Variants in KIF26B observed in about 807,000 individuals in gnomAD.
KIF26B encodes kinesin family member 26B.
A neutral mutation model predicts 151.2 loss-of-function variants in KIF26B; 63 were observed. That is an observed-to-expected ratio of 0.42 (90% CI 0.34 to 0.51). KIF26B has a LOEUF of 0.51. Ranked by LOEUF, KIF26B falls within the 20% of genes least tolerant of loss-of-function variation. The pLI is 0.07. For synonymous variants in KIF26B, 1,357 were observed against 1,262.1 expected, an observed-to-expected ratio of 1.08 and a Z score of -1.59; for missense variants, 2,813 against 2,913.6, an observed-to-expected ratio of 0.97 and a Z score of 0.79.
intron 2 of KIF26B, among the ~76,000 whole-genome samples, chr1:245,345,685 A>C (rs1186124997): frequency 6.6e-6 from 1 of 151,762 alleles, no homozygotes; most frequent in Non-Finnish European, 1.5e-5. Context: ...CGTGATAGTG[A>C]GTGAGTTCTC....
chr1:245,301,230 A>C (rs1397079286), intron 2 of KIF26B, among the ~76,000 whole-genome samples: 3 of 152,210 alleles, frequency 2.0e-5, no homozygotes, highest in Non-Finnish European at 4.4e-5. Flanking sequence ...TTCCTGCCGC[A>C]TGCAGGAGTG....
At chr1:245,401,916 C>T (rs1013002535) in intron 3 of KIF26B, among the ~76,000 whole-genome samples, 4 of 151,362 alleles carry the variant, frequency 2.6e-5, no homozygotes, top group African/African-American at 9.7e-5. Flanking sequence ...AAAACACCAC[C>T]AAAAAAAACC....
chr1:245,229,959 C>G (rs534130421), intron 2 of KIF26B, among the ~76,000 whole-genome samples: 1 of 151,714 alleles, frequency 6.6e-6, no homozygotes, highest in Admixed American at 6.6e-5. Flanking sequence ...ATGGTAAAAC[C>G]CCATCTCTAC....
chr1:245,685,126 A>ATGCT (rs538326386), intron 11 of KIF26B, among the ~76,000 whole-genome samples: 148 of 152,374 alleles, frequency 9.7e-4, no homozygotes, highest in African/African-American at 3.3e-3. Context: ...GTGAGCCAGC[A>ATGCT]GCCCTTAGCT....
At chr1:245,696,500 T>G (rs1197574997) in intron 12 of KIF26B, among the ~76,000 whole-genome samples, 3 of 152,030 alleles carry the variant, frequency 2.0e-5, no homozygotes, top group African/African-American at 7.2e-5. Context: ...ATATGTGAGA[T>G]CAATGTTTGT....
At chr1:245,626,888 A>C (rs1186209957) in intron 9 of KIF26B, among the ~76,000 whole-genome samples, 1 of 152,150 alleles carries the variant, frequency 6.6e-6, no homozygotes, top group African/African-American at 2.4e-5. Context: ...GCCTTTAATA[A>C]ATTTTGAGTG....
chr1:245,425,507 A>G (rs1658621850), intron 4 of KIF26B, among the ~76,000 whole-genome samples: 1 of 152,128 alleles, frequency 6.6e-6, no homozygotes, highest in Non-Finnish European at 1.5e-5. Flanking sequence ...CCCAGGTTCA[A>G]GCGATTTTCC....
At chr1:245,582,798 A>G (rs1402574802) in intron 5 of KIF26B, among the ~76,000 whole-genome samples, 1 of 152,194 alleles carries the variant, frequency 6.6e-6, no homozygotes, top group East Asian at 1.9e-4. Flanking sequence ...TAACAATAAT[A>G]TGCCCACCTT....
At chr1:245,411,074 A>G (rs1304677059) in intron 3 of KIF26B, among the ~76,000 whole-genome samples, 2 of 152,234 alleles carry the variant, frequency 1.3e-5, no homozygotes, top group Admixed American at 6.5e-5. Context: ...TCAAACAAGA[A>G]CCCAGCAATA....
In KIF26B at chr1:245,608,863, C is replaced by T. The variant is rs573042276; in HGVS notation, c.1652-403C>T. 7.9e-5 allele frequency among the ~76,000 whole-genome samples: 12 copies of T among 152,164 alleles called. No homozygotes were observed. In the East Asian group the frequency reaches 1.2e-3, roughly 15 times the overall value. On this transcript the variant is annotated intron_variant, in intron 7 of 14. Coordinates refer to ENST00000407071, the MANE Select transcript of KIF26B (RefSeq NM_018012.4). ...AATTCCTGGGCTCAAGTGATCCTCT[C>T]GCCTCAGCTTCCCAAGTAGCTGGGG...
chr1:245,375,449 A>T lies in KIF26B; in HGVS notation c.999+8082A>T, dbSNP rs1458598286. Among the ~76,000 whole-genome samples the T allele has an allele frequency of 6.6e-6, 1 of 152,166 alleles. No homozygotes were observed. The highest frequency in any genetic ancestry group is 1.5e-5 in the Non-Finnish European group (1 of 68,018). The stretch of plus-strand genomic sequence containing the variant: ...GATCCTTAAAGAGGAAGGCAGGAGG[A>T]TCAGAACCAGAGAGAGGAGGTGGAA... On this transcript the variant is annotated intron_variant, in intron 3 of 14. Transcript: ENST00000407071. The surrounding 1 kb of genome is among the most constrained non-coding windows in gnomAD (Gnocchi z 4.2).
Position 245,623,258 on chromosome 1 carries a change from C to A in KIF26B, c.2098+11282C>A, listed in dbSNP as rs1450741280. On this transcript the variant is annotated intron_variant, in intron 9 of 14. Transcript: ENST00000407071. The stretch of plus-strand genomic sequence containing the variant: ...TCCTCTTCCTTCCTGTCTCCAGACC[C>A]AGGAACCACTGAACTACTTTCAGTT... Among the ~76,000 whole-genome samples, 28 of 151,960 alleles carry A rather than the reference C, an allele frequency of 1.8e-4. 1 individual carries two copies. The highest frequency in any genetic ancestry group is 3.8e-4 in the Non-Finnish European group (26 of 68,000).
In KIF26B at chr1:245,484,767, A is replaced by ATATTAT. The variant is rs771748723; in HGVS notation, c.1167-55977_1167-55972dup. On this transcript the variant is annotated intron_variant, in intron 4 of 14. Coordinates refer to ENST00000407071, the MANE Select transcript of KIF26B (RefSeq NM_018012.4). The stretch of plus-strand genomic sequence containing the variant: ...CTTCCTCTTCTTCTTCTTCTTCTTC[A>ATATTAT]TATTATTATTATTATTATTATTATT... Among the ~76,000 whole-genome samples the ATATTAT allele has an allele frequency of 9.1e-3, 1,225 of 134,250 alleles. 14 individuals are homozygous for ATATTAT. Among genetic ancestry groups the ATATTAT allele is most frequent in the African/African-American group, 0.029 (1,078 of 36,644 alleles). The allele number at this position is 134,250 out of a possible 152,430, so 88.1% of individuals were successfully genotyped here.
At chr1:245,303,403 T>A (rs1299678376) in intron 2 of KIF26B, among the ~76,000 whole-genome samples, 1 of 150,802 alleles carries the variant, frequency 6.6e-6, no homozygotes, top group Non-Finnish European at 1.5e-5. Context: ...TTTCACCGTG[T>A]TAGCCAGGAT....
intron 3 of KIF26B, among the ~76,000 whole-genome samples, chr1:245,396,613 C>T (rs779813630): frequency 1.5e-4 from 23 of 149,166 alleles, no homozygotes; most frequent in East Asian, 1.4e-3. Flanking sequence ...TCCTGGGCAA[C>T]GACAACAGTG....
chr1:245,661,275 A>G (rs1192697470), intron 10 of KIF26B, among the ~76,000 whole-genome samples: 1 of 152,076 alleles, frequency 6.6e-6, no homozygotes, highest in Non-Finnish European at 1.5e-5. Flanking sequence ...GGTGTGAGCC[A>G]CTGCGCCTGG....
chr1:245,311,171 G>T (rs1436592607), intron 2 of KIF26B, among the ~76,000 whole-genome samples: 1 of 152,068 alleles, frequency 6.6e-6, no homozygotes, highest in African/African-American at 2.4e-5. Flanking sequence ...TTTTCTCACC[G>T]CCTGATTGTT....
intron 2 of KIF26B, among the ~76,000 whole-genome samples, chr1:245,309,835 ATATAT>A (rs1463269734): frequency 6.8e-5 from 10 of 146,388 alleles, no homozygotes; most frequent in East Asian, 3.9e-4. Flanking sequence ...AAATTATAAT[ATATAT>A]TATATTATAT....
chr1:245,438,005 A>AT (rs1658976081), intron 4 of KIF26B, among the ~76,000 whole-genome samples: 1 of 151,602 alleles, frequency 6.6e-6, no homozygotes, highest in Non-Finnish European at 1.5e-5. Flanking sequence ...CTCTCGTTTT[A>AT]TTTTTTCTAA....
Sources: gnomAD v4.1 joint callset for allele counts (sites outside exome capture counted in the v4.1 genomes callset) on GRCh38, gnomAD v4.1.1 for gene constraint, Gnocchi (gnomAD v3.1) non-coding constraint, MANE v1.5 for transcripts, NCBI Gene and HGNC (gene_info 2026-07-23, HGNC 2026-07-21) for gene names.